ARHGEF7: variants seen among roughly 807,000 people sequenced by gnomAD.
The protein encoded by ARHGEF7 is Rho guanine nucleotide exchange factor 7.
In ARHGEF7, 33 loss-of-function variants were observed where a neutral mutation model predicts 109.8. The observed-to-expected ratio is 0.30, with a 90% CI of 0.23 to 0.40. The LOEUF (loss-of-function observed/expected upper bound fraction) is 0.40, where lower values mean the gene tolerates loss of function less well. Ranked by LOEUF, ARHGEF7 falls within the 10% of genes least tolerant of loss-of-function variation. ARHGEF7 has a pLI of 1.00. For missense variants in ARHGEF7, 938 were observed against 1,098.5 expected, an observed-to-expected ratio of 0.85 and a Z score of 2.07; for synonymous variants, 458 against 424.6, an observed-to-expected ratio of 1.08 and a Z score of -0.97.
At chr13:111,207,863 G>C (rs913702563) in intron 3 of ARHGEF7, among the ~76,000 whole-genome samples, 3 of 152,180 alleles carry the variant, frequency 2.0e-5, no homozygotes, top group Non-Finnish European at 4.4e-5. Flanking sequence ...CATTGGCTAT[G>C]TGTTGGATGT....
intron 19 of ARHGEF7, among the ~76,000 whole-genome samples, chr13:111,296,841 G>A (rs2093438353): frequency 6.6e-6 from 1 of 152,174 alleles, no homozygotes; most frequent in African/African-American, 2.4e-5. Context: ...TTCCCGAAAC[G>A]ATGTGTTGTG....
intron 2 of ARHGEF7, among the ~76,000 whole-genome samples, chr13:111,195,347 T>C (rs1195271799): frequency 1.3e-5 from 2 of 152,192 alleles, no homozygotes; most frequent in Admixed American, 6.5e-5. Context: ...AATAAGGGTG[T>C]GGGACTTTCA....
rs2153298251 is a variant in ARHGEF7 at position 111,115,472 on chromosome 13, G to C, written c.-55G>C. On this transcript the variant is annotated 5_prime_UTR_variant, in exon 1 of 22. Coordinates refer to ENST00000646102, the MANE Select transcript of ARHGEF7 (RefSeq NM_001354046.2). ...GGCGGCGGGGGCCGCGGGCCGGGCCGCCGCTCCGAGGTGAAGGCGCGCGCC... is the reference window on the plus strand; with the variant it reads ...GGCGGCGGGGGCCGCGGGCCGGGCCCCCGCTCCGAGGTGAAGGCGCGCGCC... 9.6e-7 allele frequency: 1 copy of C among 1,039,648 alleles called. No individual in the cohort carries two copies. Among genetic ancestry groups the C allele is most frequent in the East Asian group, 8.5e-5 (1 of 11,754 alleles). The allele number at this position is 1,039,648 out of a possible 1,614,324, so 64.4% of individuals were successfully genotyped here.
chr13:111,186,740 C>A, intron 2 of ARHGEF7: 1 of 838,820 alleles, frequency 1.2e-6, no homozygotes, highest in Non-Finnish European at 1.4e-6. Context: ...ATAACTTTCT[C>A]AAGTTCCTGG....
intron 2 of ARHGEF7, among the ~76,000 whole-genome samples, chr13:111,158,206 T>G (rs1191783073): frequency 1.3e-5 from 2 of 152,212 alleles, no homozygotes; most frequent in East Asian, 3.8e-4. Flanking sequence ...GTAATCTTGA[T>G]GGATAGTTTG....
At position 111,303,993 on chromosome 13, in the gene ARHGEF7, T is replaced by G. The variant is rs2093616198; in HGVS notation, c.*880T>G. On this transcript the variant is annotated 3_prime_UTR_variant, in exon 22 of 22. Coordinates refer to ENST00000646102, the MANE Select transcript of ARHGEF7 (RefSeq NM_001354046.2). Reference sequence around the variant, plus strand: ...TAGAACCTGTAAATAGAATGTATTATTTATTATAAGTCACTGCAGCTGATG... The same window carrying G: ...TAGAACCTGTAAATAGAATGTATTAGTTATTATAAGTCACTGCAGCTGATG... The G allele has an allele frequency of 6.6e-6, 1 of 152,232 alleles. No homozygotes were observed. The highest frequency in any genetic ancestry group is 1.5e-5 in the Non-Finnish European group (1 of 68,050). The allele number at this position is 152,232 out of a possible 1,614,324, so 9.4% of individuals were successfully genotyped here. A position where few individuals can be genotyped will look rare whatever the true frequency, so the allele number is the denominator to read the frequency against.
chr13:111,217,610 A>G (rs1251124618), intron 4 of ARHGEF7, 69 bp from the exon 5 acceptor site: 9 of 1,394,654 alleles, frequency 6.5e-6, no homozygotes, highest in South Asian at 6.0e-5. Flanking sequence ...CTAGTAAAGT[A>G]TAATCCATTT....
intron 5 of ARHGEF7, among the ~76,000 whole-genome samples, chr13:111,224,437 G>C (rs1045614382): frequency 6.6e-6 from 1 of 152,306 alleles, no homozygotes; most frequent in East Asian, 1.9e-4. Context: ...GTGGACTCAG[G>C]CTTTTTTAGA....
intron 3 of ARHGEF7, among the ~76,000 whole-genome samples, chr13:111,206,199 CG>C (rs2081817720): frequency 6.6e-6 from 1 of 151,120 alleles, no homozygotes; most frequent in Non-Finnish European, 1.5e-5. Flanking sequence ...TTGATTTTGT[CG>C]GGGTCGCTTC....
intron 2 of ARHGEF7, among the ~76,000 whole-genome samples, chr13:111,171,624 T>A (rs1332019612): frequency 6.6e-6 from 1 of 152,218 alleles, no homozygotes. Context: ...ATCAGTGTGA[T>A]CTTTGAAGTT....
In ARHGEF7 at chr13:111,303,803, G is replaced by A. The variant is rs971797969; in HGVS notation, c.*690G>A. The A allele has an allele frequency of 2.6e-5, 4 of 152,218 alleles. No individual in the cohort carries two copies. Among genetic ancestry groups the A allele is most frequent in the Non-Finnish European group, 4.4e-5 (3 of 68,038 alleles). The allele number at this position is 152,218 out of a possible 1,614,324, so 9.4% of individuals were successfully genotyped here. A position where few individuals can be genotyped will look rare whatever the true frequency, so the allele number is the denominator to read the frequency against. On this transcript the variant is annotated 3_prime_UTR_variant, in exon 22 of 22. Transcript: ENST00000646102. The stretch of plus-strand genomic sequence containing the variant: ...TCTTGACCTCAAGGAAGGCCCATAC[G>A]GCACTGCCGCATCCACCTAGAGGTG...
intron 6 of ARHGEF7, 40 bp from the exon 7 acceptor site, chr13:111,243,832 A>G (rs1207906878): frequency 7.4e-6 from 10 of 1,354,580 alleles, no homozygotes; most frequent in Middle Eastern, 2.0e-4. Flanking sequence ...TCAAATAGCA[A>G]TTGAAATGTC....
chr13:111,283,753 A>G (rs2153612372), intron 16 of ARHGEF7, among the ~76,000 whole-genome samples: 1 of 152,294 alleles, frequency 6.6e-6, no homozygotes, highest in East Asian at 1.9e-4. Flanking sequence ...TAGGTTGGGG[A>G]TCCTGTCCAG....
chr13:111,187,952 G>A (rs1460389272), intron 2 of ARHGEF7, among the ~76,000 whole-genome samples: 1 of 152,232 alleles, frequency 6.6e-6, no homozygotes, highest in African/African-American at 2.4e-5. Flanking sequence ...GTTTTTGGAT[G>A]CTCATCCCTT....
intron 4 of ARHGEF7, among the ~76,000 whole-genome samples, chr13:111,215,371 CTT>C (rs5806891): frequency 1.3e-5 from 2 of 150,922 alleles, no homozygotes; most frequent in African/African-American, 4.9e-5. Flanking sequence ...ATAAAGTGCC[CTT>C]TTTTTTTGTT....
At position 111,264,229 on chromosome 13, in the gene ARHGEF7, C is replaced by G. The variant is rs543290196; in HGVS notation, c.951-3319C>G. ...TGAATTAGACCAGTGTTGTTGAGAG[C>G]TTGCATTGATGGAAACATGCTGTAT... is the stretch of plus-strand genomic sequence containing the variant. On this transcript the variant is annotated intron_variant, in intron 8 of 21. Coordinates refer to ENST00000646102, the MANE Select transcript of ARHGEF7 (RefSeq NM_001354046.2). Among the ~76,000 whole-genome samples, 6 of 152,308 alleles carry G rather than the reference C, an allele frequency of 3.9e-5. No homozygotes were observed. In the East Asian group the frequency reaches 1.2e-3, roughly 29 times the overall value.
Position 111,255,793 on chromosome 13 carries a change from T to G in ARHGEF7, c.950+11499T>G, listed in dbSNP as rs2090353155. ...GGGACATTTTATGACTGTCTTTAAC[T>G]GGGGGATATTTTTCCTGTGGAAGGT... On this transcript the variant is annotated intron_variant, in intron 8 of 21. Transcript: ENST00000646102. The surrounding 1 kb of genome is among the most constrained non-coding windows in gnomAD (Gnocchi z 4.1). Among the ~76,000 whole-genome samples, 1 of 152,186 alleles carries G rather than the reference T, an allele frequency of 6.6e-6. No homozygotes were observed. The highest frequency in any genetic ancestry group is 1.5e-5 in the Non-Finnish European group (1 of 68,026).
chr13:111,173,723 C>A (rs1454295455), intron 2 of ARHGEF7, among the ~76,000 whole-genome samples: 4 of 152,138 alleles, frequency 2.6e-5, no homozygotes, highest in African/African-American at 9.7e-5. Flanking sequence ...ACTGCCTCTC[C>A]CCACATTGAA....
chr13:111,290,418 A>G (rs945022674), intron 18 of ARHGEF7, among the ~76,000 whole-genome samples: 1 of 152,262 alleles, frequency 6.6e-6, no homozygotes, highest in African/African-American at 2.4e-5. Context: ...CTCAAAGTAT[A>G]TGGGAGGTTG....
Sources: gnomAD v4.1 joint callset for allele counts (sites outside exome capture counted in the v4.1 genomes callset) on GRCh38, gnomAD v4.1.1 for gene constraint, Gnocchi (gnomAD v3.1) non-coding constraint, MANE v1.5 for transcripts, NCBI Gene and HGNC (gene_info 2026-07-23, HGNC 2026-07-21) for gene names.